SPARC: variants seen among roughly 807,000 people sequenced by gnomAD.
SPARC encodes the protein basement-membrane protein 40.
A neutral mutation model predicts 37.7 loss-of-function variants in SPARC; 23 were observed. The ratio of observed to expected loss-of-function variants is 0.61; its 90% CI spans 0.44 to 0.87. SPARC has a LOEUF of 0.87. Ranked by LOEUF, SPARC falls within the 40% of genes least tolerant of loss-of-function variation. SPARC has a pLI of 0.00. For synonymous variants in SPARC, 155 were observed against 150.8 expected (o/e 1.03, Z -0.20); for missense variants, 312 against 389.0 (o/e 0.80, Z 1.66).
intron 2 of SPARC, 103 bp downstream of exon 2, chr5:151,676,029 G>A: frequency 1.1e-6 from 1 of 877,732 alleles, no homozygotes; most frequent in Non-Finnish European, 1.8e-6. Context: ...ACTTGAAATG[G>A]GGAAGTCCCT....
At chr5:151,672,389 G>C (rs933475296) in intron 4 of SPARC, among the ~76,000 whole-genome samples, 1 of 152,132 alleles carries the variant, frequency 6.6e-6, no homozygotes, top group Non-Finnish European at 1.5e-5. Flanking sequence ...TGCCTACTCA[G>C]CTTGTCTGAA....
chr5:151,664,384 A>C, intron 8 of SPARC, 149 bp from the exon 9 acceptor site: 3 of 696,610 alleles, frequency 4.3e-6, no homozygotes, highest in Non-Finnish European at 7.4e-6. Flanking sequence ...GTCTACCCCT[A>C]GCTCTGCCAC....
At chr5:151,666,272 A>G in intron 8 of SPARC, 89 bp downstream of exon 8, 1 of 1,332,224 alleles carries the variant, frequency 7.5e-7, no homozygotes, top group Non-Finnish European at 1.0e-6. Context: ...CAGGGCTTGG[A>G]GCAGTATAGG....
chr5:151,665,018 C>G (rs529304558), intron 8 of SPARC, among the ~76,000 whole-genome samples: 1 of 152,312 alleles, frequency 6.6e-6, no homozygotes, highest in African/African-American at 2.4e-5. Flanking sequence ...TTCTTAACCT[C>G]TAGACCTCGC....
intron 1 of SPARC, among the ~76,000 whole-genome samples, chr5:151,681,396 A>C (rs985467441): frequency 2.0e-5 from 3 of 152,234 alleles, no homozygotes; most frequent in Admixed American, 2.0e-4. Flanking sequence ...GTGCGAATTC[A>C]GGGGAGTCTC....
In SPARC at chr5:151,663,573, A is replaced by T. The variant is rs1400569152; in HGVS notation, c.910T>A (p.Ter304LysextTer12). 1 of 1,613,812 alleles carries T rather than the reference A, an allele frequency of 6.2e-7. No homozygotes were observed. The highest frequency in any genetic ancestry group is 8.5e-7 in the Non-Finnish European group (1 of 1,179,780). The change falls in exon 10 of 10, where the codon TAA becomes AAA. Residue 304 changes from the stop codon to lysine (K), a stop_lost. Transcript: ENST00000231061. ...QKDIDKDLVI[*>K] ...CCGGTACTGTGGAAGGAGTGGATTTAGATCACAAGATCCTTGTCGATATCC... is the reference window on the plus strand; with the variant it reads ...CCGGTACTGTGGAAGGAGTGGATTTTGATCACAAGATCCTTGTCGATATCC...
At position 151,673,116 on chromosome 5, in the gene SPARC, G is replaced by A. The variant is rs1407430529; in HGVS notation, c.208+13C>T. 1 of 1,604,010 alleles carries A rather than the reference G, an allele frequency of 6.2e-7. No individual in the cohort carries two copies. The highest frequency in any genetic ancestry group is 2.2e-5 in the East Asian group (1 of 44,858). Reference sequence around the variant, plus strand: ...GCAGCTTGGATGTGCCAAGTTACAGGGAAGGGACATACTTTCCGCCACCAC... The same window carrying A: ...GCAGCTTGGATGTGCCAAGTTACAGAGAAGGGACATACTTTCCGCCACCAC... On this transcript the variant is annotated intron_variant, in intron 4 of 9. Coordinates refer to ENST00000231061, the MANE Select transcript of SPARC (RefSeq NM_003118.4).
rs1412845960 is a variant in SPARC, at chr5:151,663,188, G to A, written c.*383C>T. The A allele has an allele frequency of 1.1e-5, 2 of 182,954 alleles. No individual in the cohort carries two copies. The highest frequency in any genetic ancestry group is 4.7e-5 in the African/African-American group (2 of 42,198). The allele number at this position is 182,954 out of a possible 1,614,324, so 11.3% of individuals were successfully genotyped here. On this transcript the variant is annotated 3_prime_UTR_variant, in exon 10 of 10. Coordinates refer to ENST00000231061, the MANE Select transcript of SPARC (RefSeq NM_003118.4). ...GGCAGCCAAGACCCTGAAATGAAAT[G>A]AACACAAAGTCTGACTCGGTAAGTA...
intron 1 of SPARC, among the ~76,000 whole-genome samples, chr5:151,683,547 G>A (rs867917550): frequency 1.3e-5 from 2 of 152,160 alleles, no homozygotes; most frequent in Non-Finnish European, 2.9e-5. Flanking sequence ...GAGGTGGTTG[G>A]TGATAAATGT....
chr5:151,676,193 C>T lies in SPARC; in HGVS notation c.-5G>A, dbSNP rs781241135. 1.2e-6 allele frequency: 2 copies of T among 1,610,082 alleles called. No homozygotes were observed. Among genetic ancestry groups the T allele is most frequent in the East Asian group, 2.2e-5 (1 of 44,804 alleles). On this transcript the variant is annotated 5_prime_UTR_variant, in exon 2 of 10. Transcript: ENST00000231061. Reference sequence around the variant, plus strand: ...AAAGAAGATCCAGGCCCTCATGGTGCTGGGAACCCTATGGGGAGGAGAGAT... The same window carrying T: ...AAAGAAGATCCAGGCCCTCATGGTGTTGGGAACCCTATGGGGAGGAGAGAT...
At chr5:151,684,211 G>A (rs1761074334) in intron 1 of SPARC, among the ~76,000 whole-genome samples, 1 of 152,162 alleles carries the variant, frequency 6.6e-6, no homozygotes. Context: ...TCAACTGGGG[G>A]TGCAGTAAGG....
chr5:151,673,034 C>G lies in SPARC; in HGVS notation c.208+95G>C. 4 of 859,868 alleles carry G rather than the reference C, an allele frequency of 4.7e-6. No homozygotes were observed. In the South Asian group the frequency reaches 5.4e-5, roughly 12 times the overall value. The allele number at this position is 859,868 out of a possible 1,614,324, so 53.3% of individuals were successfully genotyped here. ...CCACTGAGGACCCCACCCTGCATTTCTGCTGGAAGGAGCCTCATGTAGGCT... is the reference window on the plus strand; with the variant it reads ...CCACTGAGGACCCCACCCTGCATTTGTGCTGGAAGGAGCCTCATGTAGGCT... On this transcript the variant is annotated intron_variant, in intron 4 of 9. Transcript: ENST00000231061.
Position 151,667,478 on chromosome 5 carries a change from G to C in SPARC, c.574C>G (p.Gln192Glu). 1 of 1,614,222 alleles carries C rather than the reference G, an allele frequency of 6.2e-7. No homozygotes were observed. The highest frequency in any genetic ancestry group is 8.5e-7 in the Non-Finnish European group (1 of 1,180,026). ...GAGAGACCACTTACCCGCAGCTTCTGCTTCTCAGTCAGAAGGTTGTTGTCC... is the reference window on the plus strand; with the variant it reads ...GAGAGACCACTTACCCGCAGCTTCTCCTTCTCAGTCAGAAGGTTGTTGTCC... ...DEDNNLLTEK[Q>E]KLRVKKIHEN... The change falls in exon 7 of 10, where the codon CAG becomes GAG. Residue 192 changes from glutamine (Q) to glutamate (E), a missense_variant. By Grantham distance (29) the Gln-to-Glu change is conservative. Coordinates refer to ENST00000231061, the MANE Select transcript of SPARC (RefSeq NM_003118.4).
intron 6 of SPARC, among the ~76,000 whole-genome samples, chr5:151,668,767 A>C (rs1457378066): frequency 6.6e-6 from 1 of 152,116 alleles, no homozygotes; most frequent in Non-Finnish European, 1.5e-5. Flanking sequence ...CTTGCTGCCC[A>C]GGGACTTCCT....
At chr5:151,677,567 A>G (rs188587716) in intron 1 of SPARC, among the ~76,000 whole-genome samples, 65 of 152,192 alleles carry the variant, frequency 4.3e-4, no homozygotes, top group African/African-American at 1.5e-3. Flanking sequence ...GTCTCTCTAG[A>G]CCTTGGTTCC....
intron 1 of SPARC, among the ~76,000 whole-genome samples, chr5:151,685,418 T>A (rs1299371271): frequency 3.2e-5 from 2 of 62,102 alleles, no homozygotes; most frequent in African/African-American, 4.5e-5. Flanking sequence ...TCTCCCTCTC[T>A]CTCTCACACA....
At chr5:151,673,995 T>C (rs1322483766) in intron 3 of SPARC, among the ~76,000 whole-genome samples, 1 of 146,050 alleles carries the variant, frequency 6.8e-6, no homozygotes, top group Non-Finnish European at 1.5e-5. Flanking sequence ...TGTGTGTGTG[T>C]GTGTGTGTGT....
intron 8 of SPARC, among the ~76,000 whole-genome samples, chr5:151,665,181 G>T (rs1370708078): frequency 6.6e-6 from 1 of 152,222 alleles, no homozygotes; most frequent in African/African-American, 2.4e-5. Flanking sequence ...GGAGGAGGAA[G>T]CGGGTCCCCT....
At chr5:151,674,732 C>T (rs572137422) in intron 2 of SPARC, 58 bp from the exon 3 acceptor site, 2 of 1,559,406 alleles carry the variant, frequency 1.3e-6, no homozygotes, top group Non-Finnish European at 8.8e-7. Flanking sequence ...GCTTCACCTC[C>T]AAAGTGCCTG....
Sources: gnomAD v4.1 joint callset for allele counts (sites outside exome capture counted in the v4.1 genomes callset) on GRCh38, gnomAD v4.1.1 for gene constraint, MANE v1.5 for transcripts, NCBI Gene and HGNC (gene_info 2026-07-23, HGNC 2026-07-21) for gene names.